The following CDH23 variants were observed in gnomAD, a reference collection of about 807,000 sequenced individuals.
CDH23 encodes the protein cadherin related 23.
A neutral mutation model predicts 317.1 loss-of-function variants in CDH23; 189 were observed. The ratio of observed to expected loss-of-function variants is 0.60; its 90% confidence interval spans 0.53 to 0.67. The LOEUF (loss-of-function observed/expected upper bound fraction) is 0.67, where lower values mean the gene tolerates loss of function less well. CDH23 is among the 30% of genes least tolerant of loss of function. The probability of loss-of-function intolerance (pLI) is 0.00; values close to 1 mark genes in which losing one functional copy is unlikely to be tolerated. For missense variants in CDH23, 4,401 were observed against 4,592.4 expected, an observed-to-expected ratio of 0.96 and a Z score of 1.20; for synonymous variants, 1,839 against 1,876.8, an observed-to-expected ratio of 0.98 and a Z score of 0.52.
At chr10:71,635,548 G>T (rs1862228279) in intron 11 of CDH23, among the ~76,000 whole-genome samples, 1 of 152,122 alleles carries the variant, frequency 6.6e-6, no homozygotes, top group African/African-American at 2.4e-5. Flanking sequence ...GTCTGTGCAG[G>T]CGTGTGTGGA....
chr10:71,403,919 G>A (rs185616396), intron 1 of CDH23, among the ~76,000 whole-genome samples: 1,999 of 152,084 alleles, frequency 0.013, 58 homozygotes, highest in East Asian at 0.076. Flanking sequence ...GTGAAACCCC[G>A]TCTCTACTAA....
At chr10:71,535,333 C>T (rs1325785484) in intron 6 of CDH23, among the ~76,000 whole-genome samples, 2 of 152,162 alleles carry the variant, frequency 1.3e-5, no homozygotes, top group Admixed American at 1.3e-4. Flanking sequence ...AGCTCTGATT[C>T]CCTCACACAG....
In CDH23 at chr10:71,724,027, T is replaced by G; in HGVS notation, c.3370-18T>G. 6.4e-7 allele frequency: 1 copy of G among 1,554,536 alleles called. No homozygotes were observed. ...TGGGTGGCATTCAAGAAGTAACTCGTGTCTCATTCTTCCTCAGCTGAAAGC... is the reference window on the plus strand; with the variant it reads ...TGGGTGGCATTCAAGAAGTAACTCGGGTCTCATTCTTCCTCAGCTGAAAGC... On this transcript the variant is annotated intron_variant, in intron 28 of 69. Transcript: ENST00000224721.
intron 9 of CDH23, among the ~76,000 whole-genome samples, chr10:71,608,224 A>G (rs1860644819): frequency 6.6e-6 from 1 of 152,218 alleles, no homozygotes; most frequent in Non-Finnish European, 1.5e-5. Context: ...GACTCCAGGC[A>G]CAGACCATGA....
chr10:71,589,768 G>T (rs78838051), intron 9 of CDH23, among the ~76,000 whole-genome samples: 1 of 152,180 alleles, frequency 6.6e-6, no homozygotes, highest in African/African-American at 2.4e-5. Context: ...TCTCCTGCAC[G>T]TTGGAACCCA....
At chr10:71,691,074 G>T (rs894424370) in intron 20 of CDH23, among the ~76,000 whole-genome samples, 3 of 152,108 alleles carry the variant, frequency 2.0e-5, no homozygotes, top group East Asian at 1.9e-4. Flanking sequence ...CACACGAAAA[G>T]TGCTAAAAAA....
rs34370744 is a variant in CDH23, at chr10:71,582,352, C to CA, written c.832+4367dup. On this transcript the variant is annotated intron_variant, in intron 9 of 69. Coordinates refer to ENST00000224721, the MANE Select transcript of CDH23 (RefSeq NM_022124.6). ...CATAGGATTTTGAAGACCTAGTGTG[C>CA]AAAAAAAGGTGATAAAATATCTCAC... Among the ~76,000 whole-genome samples the CA allele has an allele frequency of 1.1e-4, 17 of 151,542 alleles. No homozygotes were observed. The South Asian group carries it at 2.1e-3, about 19-fold the overall frequency.
intron 30 of CDH23, among the ~76,000 whole-genome samples, chr10:71,728,984 T>A (rs1866938221): frequency 6.6e-6 from 1 of 151,882 alleles, no homozygotes; most frequent in South Asian, 2.1e-4. Flanking sequence ...GTGCGTGCTA[T>A]CACCCCTGGC....
At chr10:71,624,630 G>A (rs1476798380) in intron 11 of CDH23, among the ~76,000 whole-genome samples, 2 of 152,150 alleles carry the variant, frequency 1.3e-5, no homozygotes, top group African/African-American at 4.8e-5. Context: ...AGCCCAGGAG[G>A]TTGAGGCTGC....
chr10:71,724,122 T>G lies in CDH23; in HGVS notation c.3430+17T>G. 3.9e-6 allele frequency: 6 copies of G among 1,553,766 alleles called. No homozygotes were observed. Among genetic ancestry groups the G allele is most frequent in the Non-Finnish European group, 5.2e-6 (6 of 1,148,144 alleles). ...TCCTCCATGGTAAGTGGGGCTGCCC[T>G]AGGATGGGGGGCGGTCCTCCTGCCC... On this transcript the variant is annotated intron_variant, in intron 29 of 69. Coordinates refer to ENST00000224721, the MANE Select transcript of CDH23 (RefSeq NM_022124.6).
intron 3 of CDH23, among the ~76,000 whole-genome samples, chr10:71,449,288 A>G (rs899573596): frequency 5.3e-5 from 8 of 152,096 alleles, no homozygotes; most frequent in African/African-American, 1.9e-4. Context: ...GGCTCACCAG[A>G]GGTTGGAGTT....
intron 14 of CDH23, among the ~76,000 whole-genome samples, chr10:71,657,846 C>T (rs954086584): frequency 6.6e-5 from 10 of 152,136 alleles, no homozygotes; most frequent in African/African-American, 2.4e-4. Context: ...ATTTCCCCAC[C>T]GTTTAAAAGA....
chr10:71,775,842 A>T (rs1840805237), intron 38 of CDH23, among the ~76,000 whole-genome samples: 1 of 152,184 alleles, frequency 6.6e-6, no homozygotes, highest in Non-Finnish European at 1.5e-5. Context: ...AAGGAAAGCC[A>T]CCATGTCCAT....
At chr10:71,704,804 A>C in intron 24 of CDH23, 107 bp from the exon 25 acceptor site, 1 of 878,290 alleles carries the variant, frequency 1.1e-6, no homozygotes, top group Non-Finnish European at 1.9e-6. Context: ...AGATGTGTCT[A>C]GCTGCAGCCA....
chr10:71,600,408 T>G (rs1343468645), intron 9 of CDH23, among the ~76,000 whole-genome samples: 2 of 152,198 alleles, frequency 1.3e-5, no homozygotes, highest in East Asian at 1.9e-4. Flanking sequence ...CATCACAATT[T>G]CCTTGTGCTG....
rs117626548 is a variant in CDH23 at position 71,530,787 on chromosome 10, C to T, written c.429+19575C>T. On this transcript the variant is annotated intron_variant, in intron 6 of 69. Coordinates refer to ENST00000224721, the MANE Select transcript of CDH23 (RefSeq NM_022124.6). ...GCAGTTAATCCTTACCGAACATGTCCCATGGGCCAGAAACTGTGCTCAGCA... is the reference window on the plus strand; with the variant it reads ...GCAGTTAATCCTTACCGAACATGTCTCATGGGCCAGAAACTGTGCTCAGCA... 2.8e-4 allele frequency among the ~76,000 whole-genome samples: 43 copies of T among 152,334 alleles called. 1 individual carries two copies. The East Asian group carries it at 8.3e-3, about 29-fold the overall frequency.
intron 9 of CDH23, among the ~76,000 whole-genome samples, chr10:71,583,958 G>C (rs1406966303): frequency 1.4e-5 from 2 of 139,056 alleles, no homozygotes; most frequent in Non-Finnish European, 3.1e-5. Context: ...GTGCTCCCCA[G>C]AGCAGCAGCA....
intron 32 of CDH23, 39 bp downstream of exon 32, chr10:71,732,414 C>A (rs2132826548): frequency 2.6e-6 from 4 of 1,551,268 alleles, no homozygotes; most frequent in Non-Finnish European, 2.6e-6. Flanking sequence ...TTCTTCCAAT[C>A]TAACCAACAT....
At chr10:71,643,073 G>A (rs570648339) in intron 11 of CDH23, among the ~76,000 whole-genome samples, 4 of 152,348 alleles carry the variant, frequency 2.6e-5, no homozygotes, top group Admixed American at 2.6e-4. Context: ...TAGGTGCTAG[G>A]TTGTTAGTGT....
Sources: allele counts gnomAD v4.1 joint callset (sites outside exome capture counted in the v4.1 genomes callset), GRCh38; gene constraint gnomAD v4.1.1; transcripts MANE v1.5; gene names NCBI Gene and HGNC (gene_info 2026-07-23, HGNC 2026-07-21).